Variants in TENM2 observed in about 807,000 individuals in gnomAD.
The protein encoded by TENM2 is teneurin-2.
TENM2 carries 52 observed loss-of-function variants against 245.2 expected under a neutral mutation model. That is an observed-to-expected ratio of 0.21 (90% CI 0.17 to 0.27). TENM2 has a LOEUF of 0.27. Ranked by LOEUF, TENM2 falls within the 10% of genes least tolerant of loss-of-function variation. The pLI is 1.00. For missense variants in TENM2, 3,046 were observed against 3,666.8 expected (o/e 0.83, Z 4.37); for synonymous variants, 1,363 against 1,438.9 (o/e 0.95, Z 1.19).
chr5:167,615,514 C>A (rs1287690217), intron 2 of TENM2, among the ~76,000 whole-genome samples: 1 of 152,102 alleles, frequency 6.6e-6, no homozygotes, highest in East Asian at 1.9e-4. Context: ...CAAAAATACA[C>A]AGTAAGTGAG....
intron 2 of TENM2, among the ~76,000 whole-genome samples, chr5:167,819,832 A>C (rs1297031196): frequency 6.6e-6 from 1 of 152,200 alleles, no homozygotes; most frequent in Non-Finnish European, 1.5e-5. Flanking sequence ...CTTCCTGTCT[A>C]GGGCTGTGGC....
chr5:168,162,443 A>G (rs1757826358), intron 12 of TENM2, among the ~76,000 whole-genome samples, 168 bp from the exon 15 acceptor site: 1 of 152,168 alleles, frequency 6.6e-6, no homozygotes, highest in South Asian at 2.1e-4. Flanking sequence ...GTGTCTTGCT[A>G]CTGCATGCGT....
chr5:167,703,633 T>C (rs1345102810), intron 2 of TENM2, among the ~76,000 whole-genome samples: 1 of 152,150 alleles, frequency 6.6e-6, no homozygotes, highest in Non-Finnish European at 1.5e-5. Flanking sequence ...GTAGGATTAC[T>C]TTATATCATT....
chr5:167,089,897 A>G, the TENM2 span, among the ~76,000 whole-genome samples: 6 of 152,152 alleles, frequency 3.9e-5, no homozygotes, highest in African/African-American at 1.4e-4. Flanking sequence ...AGGGGGTATC[A>G]GTTCTAAGGA....
intron 2 of TENM2, among the ~76,000 whole-genome samples, chr5:167,709,703 C>T (rs1013201457): frequency 2.6e-5 from 4 of 152,140 alleles, no homozygotes; most frequent in African/African-American, 7.2e-5. Context: ...CTTGACCACA[C>T]GAAAGAACAT....
chr5:167,232,355 C>A, the TENM2 span, among the ~76,000 whole-genome samples: 1 of 150,888 alleles, frequency 6.6e-6, no homozygotes, highest in Non-Finnish European at 1.5e-5. Context: ...AACTGTGAGT[C>A]CATTAAACCT....
chr5:167,445,334 T>TAGGGAGAGAGAGAGAGAGAGAGAGAGAG (rs1380778783), intron 2 of TENM2, among the ~76,000 whole-genome samples: 1 of 86,328 alleles, frequency 1.2e-5, no homozygotes, highest in African/African-American at 4.7e-5. Flanking sequence ...TATATATATA[T>TAGGGAGAGAGAGAGAGAGAGAGAGAGAG]ATAGAGAGAG....
chr5:167,543,498 TTAA>T (rs1441369756), intron 2 of TENM2, among the ~76,000 whole-genome samples: 1 of 152,140 alleles, frequency 6.6e-6, no homozygotes, highest in Non-Finnish European at 1.5e-5. Context: ...TATAATAGAC[TTAA>T]TGCTTTATTC....
At chr5:167,985,263 C>T (rs1337531398) in intron 4 of TENM2, among the ~76,000 whole-genome samples, 1 of 152,120 alleles carries the variant, frequency 6.6e-6, no homozygotes, top group Non-Finnish European at 1.5e-5. Context: ...ATTTCAGACA[C>T]TGCTTGTATG....
intron 2 of TENM2, among the ~76,000 whole-genome samples, chr5:167,743,079 C>T (rs2878866): frequency 0.041 from 6,268 of 152,184 alleles, 190 homozygotes; most frequent in Middle Eastern, 0.082. Flanking sequence ...CTCTCAACAC[C>T]GAACAAAACA....
chr5:168,150,505 G>T (rs11949599), intron 12 of TENM2, among the ~76,000 whole-genome samples: 3,017 of 152,260 alleles, frequency 0.02, 96 homozygotes, highest in African/African-American at 0.069. Flanking sequence ...CTCAGCTTTA[G>T]AAATCCCATT....
At chr5:168,012,784 A>AAAAAAC (rs1199896414) in intron 5 of TENM2, among the ~76,000 whole-genome samples, 7 of 151,408 alleles carry the variant, frequency 4.6e-5, no homozygotes, top group African/African-American at 1.7e-4. Flanking sequence ...GAAAAAAAAA[A>AAAAAAC]AAAAAAAAAA....
chr5:167,754,952 G>C (rs1409919561), intron 2 of TENM2: 1 of 1,471,512 alleles, frequency 6.8e-7, no homozygotes, highest in Non-Finnish European at 9.1e-7. Flanking sequence ...TTCCTTCCCA[G>C]CTGGAGAAGG....
intron 2 of TENM2, among the ~76,000 whole-genome samples, chr5:167,519,718 T>C (rs1770627616): frequency 6.6e-6 from 1 of 152,188 alleles, no homozygotes; most frequent in Non-Finnish European, 1.5e-5. Context: ...GTAACCACTT[T>C]GGCTAGATGT....
At chr5:167,346,853 A>T (rs1758485413) in intron 1 of TENM2, among the ~76,000 whole-genome samples, 1 of 151,896 alleles carries the variant, frequency 6.6e-6, no homozygotes, top group Admixed American at 6.6e-5. Flanking sequence ...GGCTTTCTGC[A>T]GCCTTGACCT....
At chr5:167,251,571 G>A in the TENM2 span, among the ~76,000 whole-genome samples, 8 of 152,142 alleles carry the variant, frequency 5.3e-5, no homozygotes, top group African/African-American at 1.9e-4. Flanking sequence ...GCTGCTTTCA[G>A]GCAAACCAAT....
rs553976809 is a variant in TENM2 at position 167,855,423 on chromosome 5, C to T, written c.503-20563C>T. Among the ~76,000 whole-genome samples the T allele has an allele frequency of 4.6e-5, 7 of 152,132 alleles. No individual in the cohort carries two copies. In the East Asian group the frequency reaches 1.4e-3, roughly 29 times the overall value. ...TGTTGTGTTTACATATGCTTATATG[C>T]ATACATATATATATGTTCGTATACA... On this transcript the variant is annotated intron_variant, in intron 2 of 28. Coordinates refer to ENST00000518659, the Ensembl canonical transcript of TENM2.
intron 2 of TENM2, among the ~76,000 whole-genome samples, chr5:167,589,945 G>C (rs555908474): frequency 6.6e-6 from 1 of 151,762 alleles, no homozygotes; most frequent in East Asian, 1.9e-4. Context: ...AAATGCTACC[G>C]TGAAAAGGTA....
chr5:167,437,382 G>A (rs1027570658), intron 2 of TENM2, among the ~76,000 whole-genome samples: 1 of 152,156 alleles, frequency 6.6e-6, no homozygotes, highest in Non-Finnish European at 1.5e-5. Context: ...TTTATCGAAT[G>A]CCTGTACCCC....
Sources: allele counts gnomAD v4.1 joint callset (sites outside exome capture counted in the v4.1 genomes callset), GRCh38; gene constraint gnomAD v4.1.1; transcripts MANE v1.5; gene names NCBI Gene and HGNC (gene_info 2026-07-23, HGNC 2026-07-21).